The following CNGB1 variants were observed in gnomAD, a reference collection of about 807,000 sequenced individuals.
The protein encoded by CNGB1 is cyclic nucleotide-gated channel beta-1.
Under a neutral mutation model 151.7 loss-of-function variants are expected in CNGB1, and 126 were observed. That is an observed-to-expected ratio of 0.83 (90% CI 0.72 to 0.96). CNGB1 has a LOEUF of 0.96. Ranked by LOEUF, CNGB1 falls within the 40% of genes least tolerant of loss-of-function variation. The pLI, the probability that CNGB1 is intolerant of heterozygous loss-of-function variation, is 0.00. For missense variants in CNGB1, 1,698 were observed against 1,627.0 expected (o/e 1.04, Z -0.75); for synonymous variants, 623 against 635.1 (o/e 0.98, Z 0.29).
At chr16:57,921,689 A>T (rs548483367) in intron 18 of CNGB1, among the ~76,000 whole-genome samples, 1 of 152,168 alleles carries the variant, frequency 6.6e-6, no homozygotes, top group African/African-American at 2.4e-5. Flanking sequence ...GACACAATAC[A>T]TGCAACTAGG....
At chr16:57,935,883 T>C (rs1438476186) in intron 16 of CNGB1, among the ~76,000 whole-genome samples, 1 of 151,944 alleles carries the variant, frequency 6.6e-6, no homozygotes, top group Non-Finnish European at 1.5e-5. Context: ...ATGACCTCCA[T>C]GCCACCTCAT....
intron 22 of CNGB1, 33 bp downstream of exon 22, chr16:57,916,096 G>A (rs368334450): frequency 1.1e-5 from 17 of 1,611,648 alleles, no homozygotes; most frequent in African/African-American, 9.4e-5. Flanking sequence ...CTGAAACCCC[G>A]CAGACGCTAA....
intron 12 of CNGB1, chr16:57,954,560 C>T: frequency 1.4e-5 from 7 of 515,588 alleles, no homozygotes; most frequent in Non-Finnish European, 1.7e-5. Context: ...CTGGCTAATT[C>T]CTCTCCTCCT....
chr16:57,923,314 T>G lies in CNGB1; in HGVS notation c.1602A>C (p.Pro534=). ...TGGTGGGGTCAGACCAGGCAACCACTGGGGACTCTGCTGGTGACAACGCCT... is the reference window on the plus strand; with the variant it reads ...TGGTGGGGTCAGACCAGGCAACCACGGGGGACTCTGCTGGTGACAACGCCT... The part of the protein sequence containing the change: ...ELKALSPAES[P]VVAWSDPTTP... The change falls in exon 18 of 33, where the codon CCA becomes CCC. Residue 534 remains proline (P), a synonymous_variant. Transcript: ENST00000251102. The G allele has an allele frequency of 2.5e-6, 4 of 1,601,178 alleles. No individual in the cohort carries two copies. The highest frequency in any genetic ancestry group is 3.4e-6 in the Non-Finnish European group (4 of 1,173,216).
chr16:57,925,182 T>C (rs1397099962), intron 17 of CNGB1, among the ~76,000 whole-genome samples: 2 of 151,758 alleles, frequency 1.3e-5, no homozygotes, highest in African/African-American at 4.8e-5. Flanking sequence ...TTTTTTTTTT[T>C]AGTAGAGATG....
chr16:57,901,204 T>A, intron 29 of CNGB1, 148 bp downstream of exon 29: 1 of 819,038 alleles, frequency 1.2e-6, no homozygotes, highest in Non-Finnish European at 2.1e-6. Context: ...TCTGGTCAGG[T>A]CACTGCAGCA....
chr16:57,911,697 T>C, intron 25 of CNGB1, 56 bp downstream of exon 25: 1 of 1,610,090 alleles, frequency 6.2e-7, no homozygotes, highest in Non-Finnish European at 8.5e-7. Flanking sequence ...TGCTGCGAAT[T>C]ATAAAGAACA....
At chr16:57,949,790 G>A (rs542042653) in intron 13 of CNGB1, among the ~76,000 whole-genome samples, 1 of 152,272 alleles carries the variant, frequency 6.6e-6, no homozygotes, top group African/African-American at 2.4e-5. Flanking sequence ...CAAAGATTGC[G>A]ACATCCCTGT....
Position 57,903,922 on chromosome 16 carries a change from G to C in CNGB1, c.2694C>G (p.Asp898Glu). Reference protein sequence around the residue: ...AGQTYYRSCMDSTVKYMNFYK... With the variant: ...AGQTYYRSCMESTVKYMNFYK... ...AGAAATTCATGTACTTCACCGTGCT[G>C]TCCATGCAGCTGCGGTAGTAGGTCT... is the stretch of plus-strand genomic sequence containing the variant. Residue 898 changes from aspartate to glutamate, a missense_variant, in exon 27 of 33, where the codon GAC (aspartate) becomes GAG (glutamate). Physicochemically the swap from Asp to Glu is conservative, Grantham distance 45. Coordinates refer to ENST00000251102, the MANE Select transcript of CNGB1 (RefSeq NM_001297.5). The C allele has an allele frequency of 6.2e-7, 1 of 1,614,128 alleles. No individual in the cohort carries two copies. The highest frequency in any genetic ancestry group is 8.5e-7 in the Non-Finnish European group (1 of 1,179,976).
intron 25 of CNGB1, among the ~76,000 whole-genome samples, chr16:57,906,407 G>A (rs1960552664): frequency 6.6e-6 from 1 of 152,172 alleles, no homozygotes; most frequent in Admixed American, 6.5e-5. Context: ...ATATCCTCAA[G>A]AAGCTCGTGG....
At chr16:57,936,177 G>T (rs1470974990) in intron 16 of CNGB1, among the ~76,000 whole-genome samples, 1 of 152,180 alleles carries the variant, frequency 6.6e-6, no homozygotes, top group Non-Finnish European at 1.5e-5. Context: ...CGGGGACCTT[G>T]TCACAATCAA....
At chr16:57,950,589 G>C (rs756851368) in intron 12 of CNGB1, 49 bp from the exon 13 acceptor site, 2 of 1,606,838 alleles carry the variant, frequency 1.2e-6, no homozygotes, top group Non-Finnish European at 1.7e-6. Flanking sequence ...GGGAGAGTGG[G>C]CTTGGGCCTC....
Position 57,931,589 on chromosome 16 carries a change from C to A in CNGB1, c.1535+127G>T, listed in dbSNP as rs2061005096. On this transcript the variant is annotated intron_variant, in intron 17 of 32. Coordinates refer to ENST00000251102, the MANE Select transcript of CNGB1 (RefSeq NM_001297.5). ...ACGAGGAAGGGGCATCATAGTCCCA[C>A]TTCTGACACCAACTCGCTGTGTGAT... The A allele has an allele frequency of 2.8e-5, 32 of 1,123,248 alleles. 1 individual carries two copies. In the South Asian group the frequency reaches 3.9e-4, roughly 14 times the overall value. The allele number at this position is 1,123,248 out of a possible 1,614,324, so 69.6% of individuals were successfully genotyped here.
intron 12 of CNGB1, among the ~76,000 whole-genome samples, chr16:57,953,123 A>G (rs1961999324): frequency 6.6e-6 from 1 of 152,106 alleles, no homozygotes; most frequent in African/African-American, 2.4e-5. Flanking sequence ...CTGCCACTCC[A>G]CCCTGGCACA....
At chr16:57,963,849 T>C (rs1418358539) in intron 4 of CNGB1, 2 of 520,282 alleles carry the variant, frequency 3.8e-6, no homozygotes, top group Non-Finnish European at 6.9e-6. Context: ...GTCTAATGAA[T>C]GAATGAGTGA....
chr16:57,900,835 C>G, intron 29 of CNGB1, among the ~76,000 whole-genome samples: 1 of 151,580 alleles, frequency 6.6e-6, no homozygotes, highest in East Asian at 1.9e-4. Flanking sequence ...GGTTGGGGAC[C>G]AATTCAACAT....
chr16:57,970,354 G>A (rs928394802), intron 1 of CNGB1, among the ~76,000 whole-genome samples: 37 of 152,000 alleles, frequency 2.4e-4, no homozygotes, highest in Admixed American at 2.1e-3. Context: ...ACTCATCCTC[G>A]CTCTCACCAC....
chr16:57,884,397 G>T lies in CNGB1; in HGVS notation c.3523C>A (p.His1175Asn). ...GGGTCGGTGGCGGCCTCCTTTGGGT[G>T]CGTGTGCTGGTCTGGGGCGGCGGAG... Reference protein sequence around the residue: ...EGSAAPDQHTHPKEAATDPPA... With the variant: ...EGSAAPDQHTNPKEAATDPPA... The change falls in exon 33 of 33, where the codon CAC becomes AAC. Residue 1175 changes from histidine to asparagine, a missense_variant. His to Asn is a moderately conservative substitution (Grantham distance 68, BLOSUM62 1). Transcript: ENST00000251102. The T allele has an allele frequency of 6.2e-7, 1 of 1,613,392 alleles. No homozygotes were observed. The highest frequency in any genetic ancestry group is 8.5e-7 in the Non-Finnish European group (1 of 1,179,870).
intron 31 of CNGB1, among the ~76,000 whole-genome samples, chr16:57,896,967 AT>A (rs1448509087): frequency 6.6e-6 from 1 of 152,094 alleles, no homozygotes; most frequent in African/African-American, 2.4e-5. Flanking sequence ...TGGATTGTGA[AT>A]GAGATAATAG....
Sources: gnomAD v4.1 joint callset for allele counts (sites outside exome capture counted in the v4.1 genomes callset) on GRCh38, gnomAD v4.1.1 for gene constraint, MANE v1.5 for transcripts, NCBI Gene and HGNC (gene_info 2026-07-23, HGNC 2026-07-21) for gene names.